The following STARD9 variants were observed in gnomAD, a reference collection of about 807,000 sequenced individuals.
STARD9 encodes stAR-related lipid transfer protein 9.
A neutral mutation model predicts 399.8 loss-of-function variants in STARD9; 346 were observed. The observed-to-expected ratio is 0.87, with a 90% CI of 0.79 to 0.95. STARD9 has a LOEUF of 0.95. STARD9 is among the 40% of genes least tolerant of loss of function. STARD9 has a pLI of 0.00. For synonymous variants in STARD9, 2,203 were observed against 2,143.5 expected, an observed-to-expected ratio of 1.03 and a Z score of -0.77; for missense variants, 5,832 against 5,667.5, an observed-to-expected ratio of 1.03 and a Z score of -0.93.
At chr15:42,583,259 A>G (rs760500795) in intron 1 of STARD9, 87 bp from the exon 2 acceptor site, 2 of 955,050 alleles carry the variant, frequency 2.1e-6, no homozygotes, top group South Asian at 1.5e-5. Context: ...CAGTAGGGAA[A>G]TATTTTGTCC....
At chr15:42,587,908 T>G (rs566339743) in intron 3 of STARD9, among the ~76,000 whole-genome samples, 1 of 152,314 alleles carries the variant, frequency 6.6e-6, no homozygotes, top group African/African-American at 2.4e-5. Flanking sequence ...GTATGAGGCA[T>G]CTGGTTACTA....
At chr15:42,643,291 A>G (rs1052319195) in intron 7 of STARD9, among the ~76,000 whole-genome samples, 2 of 151,466 alleles carry the variant, frequency 1.3e-5, no homozygotes, top group Non-Finnish European at 2.9e-5. Context: ...CTGCCTTCCA[A>G]GTTTGAGTAA....
In STARD9 at chr15:42,720,950, A is replaced by G. The variant is rs1313216339; in HGVS notation, c.*1376A>G. The stretch of plus-strand genomic sequence containing the variant: ...TTCATATAAATCTCTTACTAAGACT[A>G]CTGACCAAAAAAGAACATTTTAAAA... On this transcript the variant is annotated 3_prime_UTR_variant, in exon 33 of 33. Coordinates refer to ENST00000290607, the MANE Select transcript of STARD9 (RefSeq NM_020759.3). The G allele has an allele frequency of 6.6e-6, 1 of 152,152 alleles. No homozygotes were observed. The highest frequency in any genetic ancestry group is 1.9e-4 in the East Asian group (1 of 5,198). The allele number at this position is 152,152 out of a possible 1,614,324, so 9.4% of individuals were successfully genotyped here.
At chr15:42,663,792 G>GT in intron 12 of STARD9, 28 bp from the exon 13 acceptor site, 1 of 1,485,584 alleles carries the variant, frequency 6.7e-7, no homozygotes, top group Non-Finnish European at 9.1e-7. Context: ...GGGCTGGCAT[G>GT]TTTTTAAACT....
chr15:42,626,747 G>A (rs2141880696), intron 3 of STARD9, among the ~76,000 whole-genome samples: 1 of 151,618 alleles, frequency 6.6e-6, no homozygotes, highest in East Asian at 1.9e-4. Flanking sequence ...CCTGACCCCA[G>A]GTGATCCACC....
intron 1 of STARD9, chr15:42,581,559 C>G: frequency 9.4e-7 from 1 of 1,064,862 alleles, no homozygotes; most frequent in Non-Finnish European, 1.4e-6. Context: ...GCTCCAGCTC[C>G]TAGGGCGGGT....
Position 42,665,799 on chromosome 15 carries a change from C to A in STARD9, c.1268C>A (p.Ser423Ter). 3.3e-6 allele frequency: 5 copies of A among 1,537,118 alleles called. No homozygotes were observed. Among genetic ancestry groups the A allele is most frequent in the Non-Finnish European group, 4.4e-6 (5 of 1,146,826 alleles). ...LLSFELRNFS[S>*]LSDENLKELV... ...ATCTTTGTGCAGAGAAACTTCAGTT[C>A]ATTGAGTGATGAAAACCTGAAGGAG... The change falls in exon 15 of 33, where the codon TCA becomes TAA. Residue 423 changes from serine (S) to a stop codon, truncating the protein, a stop_gained. Coordinates refer to ENST00000290607, the MANE Select transcript of STARD9 (RefSeq NM_020759.3). LOFTEE classifies it high-confidence loss of function.
Position 42,685,407 on chromosome 15 carries a change from C to T in STARD9, c.3829C>T (p.Leu1277Phe). The change falls in exon 23 of 33, where the codon CTT (leucine) becomes TTT (phenylalanine). Residue 1277 changes from leucine (L) to phenylalanine (F), a missense_variant. Transcript: ENST00000290607. ...AVLPMSSSFY[L>F]DPQFQPHCEL... is the part of the protein sequence containing the mutation. ...CCTGCCAATGAGCAGTTCGTTTTACCTTGATCCTCAGTTCCAACCCCATTG... is the reference window on the plus strand; with the variant it reads ...CCTGCCAATGAGCAGTTCGTTTTACTTTGATCCTCAGTTCCAACCCCATTG... The T allele has an allele frequency of 6.5e-7, 1 of 1,537,262 alleles. No individual in the cohort carries two copies. Among genetic ancestry groups the T allele is most frequent in the Non-Finnish European group, 8.7e-7 (1 of 1,146,926 alleles).
chr15:42,599,496 A>G (rs372374377), intron 3 of STARD9, among the ~76,000 whole-genome samples: 149 of 152,282 alleles, frequency 9.8e-4, no homozygotes, highest in African/African-American at 3.4e-3. Flanking sequence ...TCTATCGTAC[A>G]AAATACTGCT....
intron 22 of STARD9, 79 bp downstream of exon 22, chr15:42,682,654 C>A: frequency 1.7e-6 from 2 of 1,149,620 alleles, no homozygotes; most frequent in Non-Finnish European, 2.4e-6. Context: ...CTGTTTTTCC[C>A]CATGCCTCAT....
intron 3 of STARD9, among the ~76,000 whole-genome samples, chr15:42,610,382 A>G (rs950519291): frequency 6.6e-6 from 1 of 152,162 alleles, no homozygotes; most frequent in Non-Finnish European, 1.5e-5. Flanking sequence ...CAGCATGATC[A>G]GCAACATTGG....
At chr15:42,628,154 G>T (rs1232448855) in intron 3 of STARD9, among the ~76,000 whole-genome samples, 1 of 152,102 alleles carries the variant, frequency 6.6e-6, no homozygotes, top group Non-Finnish European at 1.5e-5. Flanking sequence ...ATAACTCATT[G>T]TAGTTTCAAT....
At position 42,691,632 on chromosome 15, in the gene STARD9, A is replaced by G. The variant is rs2060705991; in HGVS notation, c.10054A>G (p.Thr3352Ala). 2.6e-6 allele frequency: 4 copies of G among 1,537,146 alleles called. No homozygotes were observed. The highest frequency in any genetic ancestry group is 2.0e-5 in the Admixed American group (1 of 50,978). ...GCCTCCTTCCCCTACAGACGAAGAT[A>G]CACAGGGGCCTAACAGATTGTGGAA... ...VEPPSPTDEDTQGPNRLWNPH... is the reference protein window; with the variant it reads ...VEPPSPTDEDAQGPNRLWNPH... Residue 3352 changes from threonine to alanine, a missense_variant, in exon 23 of 33, where the codon ACA (threonine) becomes GCA (alanine). Around this residue, in one of 2 missense-constraint regions of STARD9, gnomAD observed 5,828 missense variants for 5,651.1 expected, o/e 1.03. Transcript: ENST00000290607.
intron 9 of STARD9, among the ~76,000 whole-genome samples, chr15:42,656,763 C>T (rs1184155095): frequency 2.6e-5 from 4 of 152,174 alleles, no homozygotes; most frequent in Admixed American, 6.5e-5. Flanking sequence ...TAAATGGGAG[C>T]TAAACTATGA....
intron 14 of STARD9, 58 bp from the exon 15 acceptor site, chr15:42,665,728 G>A: frequency 7.2e-7 from 1 of 1,388,722 alleles, no homozygotes. Flanking sequence ...TGTAAGGGTG[G>A]GACCTACCTG....
rs1250025980 is a variant in STARD9 at position 42,682,189 on chromosome 15, T to C, written c.2151T>C (p.Leu717=). ...AAGACCAGGTAGCAGAGAAAGAACT[T>C]GAGGCATCTGTGGCACTTGATGCTT... ...QQEDQVAEKE[L]EASVALDAWL... is the part of the protein sequence containing the mutation. The change falls in exon 22 of 33, where the codon CTT becomes CTC. Residue 717 remains leucine, a synonymous_variant. Coordinates refer to ENST00000290607, the MANE Select transcript of STARD9 (RefSeq NM_020759.3). 1 of 1,537,194 alleles carries C rather than the reference T, an allele frequency of 6.5e-7. No individual in the cohort carries two copies. The highest frequency in any genetic ancestry group is 8.7e-7 in the Non-Finnish European group (1 of 1,146,876).
intron 3 of STARD9, among the ~76,000 whole-genome samples, chr15:42,613,211 TCTTTC>T (rs1398280909): frequency 3.9e-5 from 6 of 152,272 alleles, no homozygotes; most frequent in East Asian, 1.9e-4. Flanking sequence ...ATTTTCTTTT[TCTTTC>T]CTTTTTTTGT....
chr15:42,699,417 T>C (rs1483981703), intron 26 of STARD9, among the ~76,000 whole-genome samples: 19 of 143,434 alleles, frequency 1.3e-4, no homozygotes, highest in Admixed American at 1.1e-3. Context: ...TTTTTTGAGA[T>C]GGAGTCTTGC....
At chr15:42,676,480 CTG>C in intron 20 of STARD9, among the ~76,000 whole-genome samples, 1 of 152,260 alleles carries the variant, frequency 6.6e-6, no homozygotes, top group Middle Eastern at 3.4e-3. Flanking sequence ...GAATCCAGAA[CTG>C]TGCATAGAGG....
Sources: allele counts gnomAD v4.1 joint callset (sites outside exome capture counted in the v4.1 genomes callset), GRCh38; gene constraint gnomAD v4.1.1; regional missense constraint gnomAD v4.1.1; transcripts MANE v1.5; gene names NCBI Gene and HGNC (gene_info 2026-07-23, HGNC 2026-07-21).